ZNF786: variants seen among roughly 807,000 people sequenced by gnomAD.
The protein encoded by ZNF786 is zinc finger protein 786.
In ZNF786, 56 loss-of-function variants were observed where a neutral mutation model predicts 63.1. The ratio of observed to expected loss-of-function variants is 0.89; its 90% CI spans 0.72 to 1.11. ZNF786 has a LOEUF of 1.11. Among genes scored for constraint, ZNF786 ranks in the 50% least tolerant of loss-of-function variants. The pLI is 0.00. For missense variants in ZNF786, 1,213 were observed against 1,041.8 expected (o/e 1.16, Z -2.26); for synonymous variants, 485 against 406.9 (o/e 1.19, Z -2.31).
At chr7:149,082,460 A>G in intron 1 of ZNF786, 2 of 722,194 alleles carry the variant, frequency 2.8e-6, no homozygotes, top group Non-Finnish European at 1.7e-6. Context: ...TGTAAATTAT[A>G]TATTTGTTAA....
chr7:149,085,799 C>T (rs376595163), intron 1 of ZNF786, among the ~76,000 whole-genome samples: 7 of 152,242 alleles, frequency 4.6e-5, no homozygotes, highest in African/African-American at 7.2e-5. Flanking sequence ...TTGTAAAGAT[C>T]TTTAACCTCC....
chr7:149,087,459 G>A (rs1000656281), intron 1 of ZNF786, among the ~76,000 whole-genome samples: 3 of 152,172 alleles, frequency 2.0e-5, no homozygotes, highest in Admixed American at 6.5e-5. Flanking sequence ...CATCTAGTGC[G>A]TAGCAGCCAA....
At chr7:149,089,025 C>T (rs1223062812) in intron 1 of ZNF786, among the ~76,000 whole-genome samples, 4 of 149,624 alleles carry the variant, frequency 2.7e-5, no homozygotes, top group Non-Finnish European at 5.9e-5. Context: ...GGCGCGATCT[C>T]GGCTCGCTGC....
intron 1 of ZNF786, among the ~76,000 whole-genome samples, chr7:149,086,457 G>C (rs1825739081): frequency 6.6e-6 from 1 of 152,156 alleles, no homozygotes; most frequent in Non-Finnish European, 1.5e-5. Context: ...GCTAAACCCT[G>C]TCCCTACTAA....
Position 149,071,632 on chromosome 7 carries a change from C to T in ZNF786, c.1140G>A (p.Met380Ile), listed in dbSNP as rs745676796. The change falls in exon 4 of 4, where the codon ATG becomes ATA. Residue 380 changes from methionine (M) to isoleucine (I), a missense_variant. Physicochemically the swap from Met to Ile is conservative, Grantham distance 10. Coordinates refer to ENST00000491431, the MANE Select transcript of ZNF786 (RefSeq NM_152411.4). Reference sequence around the variant, plus strand: ...TGCAGGGGCTGGCGAGCCTGGCGCTCATAGGGGAGCGCTCGCCACACTCCG... The same window carrying T: ...TGCAGGGGCTGGCGAGCCTGGCGCTTATAGGGGAGCGCTCGCCACACTCCG... Reference protein sequence around the residue: ...SCSECGERSPMSARLASPCRA... With the variant: ...SCSECGERSPISARLASPCRA... The T allele has an allele frequency of 1.5e-5, 24 of 1,581,542 alleles. No individual in the cohort carries two copies. Among genetic ancestry groups the T allele is most frequent in the African/African-American group, 1.5e-4 (11 of 74,368 alleles).
At position 149,074,447 on chromosome 7, in the gene ZNF786, G is replaced by A; in HGVS notation, c.237C>T (p.Asn79=). The change falls in exon 3 of 4, where the codon AAC becomes AAT. Residue 79 remains asparagine, a synonymous_variant. Transcript: ENST00000491431. ...RKWRESQKSG[N]IICSSVDMHF... The stretch of plus-strand genomic sequence containing the variant: ...GCATATCAACAGAGGAGCAAATTAT[G>A]TTTCCTGATTTCTGTGATTCTCTCC... 6.2e-7 allele frequency: 1 copy of A among 1,613,876 alleles called. No homozygotes were observed. Among genetic ancestry groups the A allele is most frequent in the Non-Finnish European group, 8.5e-7 (1 of 1,179,874 alleles).
chr7:149,080,114 G>C (rs979015867), intron 2 of ZNF786, among the ~76,000 whole-genome samples: 1 of 152,002 alleles, frequency 6.6e-6, no homozygotes, highest in African/African-American at 2.4e-5. Flanking sequence ...AGAGGTTACA[G>C]TCAGCCAAGA....
At chr7:149,074,301 C>A (rs1825501780) in intron 3 of ZNF786, 85 bp downstream of exon 3, 1 of 1,519,924 alleles carries the variant, frequency 6.6e-7, no homozygotes, top group Non-Finnish European at 8.9e-7. Context: ...CCTCAGCTTG[C>A]CCAAACAGGA....
intron 1 of ZNF786, among the ~76,000 whole-genome samples, chr7:149,083,115 C>T (rs1473928256): frequency 6.6e-6 from 1 of 152,140 alleles, no homozygotes; most frequent in Non-Finnish European, 1.5e-5. Context: ...CCAGGCTGGT[C>T]TTGAACTCCT....
chr7:149,070,529 G>C lies in ZNF786; in HGVS notation c.2243C>G (p.Ala748Gly). Residue 748 changes from alanine (A) to glycine (G), a missense_variant, in exon 4 of 4, where the codon GCG (alanine) becomes GGG (glycine). By Grantham distance (60) the Ala-to-Gly change is moderately conservative. Coordinates refer to ENST00000491431, the MANE Select transcript of ZNF786 (RefSeq NM_152411.4). ...GKGFIYKSKL[A>G]EHIRVHTKSC... ...TTTTGTGTGTACTCTGATGTGCTCC[G>C]CAAGCTTAGACTTGTAAATGAAGCC... 6.2e-7 allele frequency: 1 copy of C among 1,614,016 alleles called. No individual in the cohort carries two copies. Among genetic ancestry groups the C allele is most frequent in the Non-Finnish European group, 8.5e-7 (1 of 1,179,904 alleles).
chr7:149,084,267 CAGG>C (rs1156369491), intron 1 of ZNF786, among the ~76,000 whole-genome samples: 3 of 144,196 alleles, frequency 2.1e-5, no homozygotes, highest in African/African-American at 7.9e-5. Flanking sequence ...GAGGCTAAAG[CAGG>C]AGAATTGCTT....
chr7:149,084,583 C>A (rs953730536), intron 1 of ZNF786, among the ~76,000 whole-genome samples: 1 of 152,108 alleles, frequency 6.6e-6, no homozygotes, highest in Non-Finnish European at 1.5e-5. Flanking sequence ...AGCTTGTTGG[C>A]CATGTATATG....
In ZNF786 at chr7:149,070,915, C is replaced by A. The variant is rs367975181; in HGVS notation, c.1857G>T (p.Arg619Ser). Reference sequence around the variant, plus strand: ...TGTCGCACTCCGGACACTGGAAGGGCCTCTCTCCCGTGTGCAGGCGCTGAT... The same window carrying A: ...TGTCGCACTCCGGACACTGGAAGGGACTCTCTCCCGTGTGCAGGCGCTGAT... ...LSHQRLHTGE[R>S]PFQCPECDKR... Residue 619 changes from arginine (R) to serine (S), a missense_variant, in exon 4 of 4, where the codon AGG becomes AGT. Coordinates refer to ENST00000491431, the MANE Select transcript of ZNF786 (RefSeq NM_152411.4). 1.5e-5 allele frequency: 24 copies of A among 1,613,572 alleles called. No homozygotes were observed. The Middle Eastern group carries it at 4.9e-4, about 33-fold the overall frequency.
chr7:149,090,370 G>A (rs1255197882), intron 1 of ZNF786, among the ~76,000 whole-genome samples: 3 of 152,152 alleles, frequency 2.0e-5, no homozygotes, highest in Admixed American at 1.3e-4. Flanking sequence ...CCCAGGCTCC[G>A]CCCCGCTCCT....
chr7:149,070,404 T>A lies in ZNF786; in HGVS notation c.*19A>T. On this transcript the variant is annotated 3_prime_UTR_variant, in exon 4 of 4. Transcript: ENST00000491431. ...GGCAATACCAATCCTGCTCAACGCT[T>A]TGGATGTCCCACTCTGCCTCAACTC... 7 of 1,608,104 alleles carry A rather than the reference T, an allele frequency of 4.4e-6. No homozygotes were observed. The highest frequency in any genetic ancestry group is 6.0e-6 in the Non-Finnish European group (7 of 1,175,818).
rs771667646 is a variant in ZNF786 at position 149,071,546 on chromosome 7, C to A, written c.1226G>T (p.Arg409Leu). Residue 409 changes from arginine (R) to leucine (L), a missense_variant, in exon 4 of 4, where the codon CGC becomes CTC. Arg to Leu is a moderately radical substitution (Grantham distance 102). Coordinates refer to ENST00000491431, the MANE Select transcript of ZNF786 (RefSeq NM_152411.4). ...CAHCTKRFRLRRLLQVHQHAH... is the reference protein window; with the variant it reads ...CAHCTKRFRLLRLLQVHQHAH... ...GTGCTGGTGGACCTGCAGCAGGCGG[C>A]GCAGGCGGAAGCGCTTGGTGCAATG... The A allele has an allele frequency of 4.3e-6, 7 of 1,612,234 alleles. No individual in the cohort carries two copies. In the South Asian group the frequency reaches 7.7e-5, roughly 18 times the overall value.
intron 1 of ZNF786, among the ~76,000 whole-genome samples, chr7:149,088,812 T>C (rs941374138): frequency 6.6e-6 from 1 of 152,228 alleles, no homozygotes; most frequent in Non-Finnish European, 1.5e-5. Context: ...GCAAACATTA[T>C]AAATAATATG....
Position 149,070,838 on chromosome 7 carries a change from C to T in ZNF786, c.1934G>A (p.Gly645Glu). 2.5e-6 allele frequency: 4 copies of T among 1,613,740 alleles called. No individual in the cohort carries two copies. Among genetic ancestry groups the T allele is most frequent in the Non-Finnish European group, 3.4e-6 (4 of 1,179,910 alleles). ...DMKAHQLLHS[G>E]EMPFSCECGK... Reference sequence around the variant, plus strand: ...GCACTCACAGGAGAAAGGCATCTCCCCGCTGTGCAGCAGCTGGTGGGCCTT... The same window carrying T: ...GCACTCACAGGAGAAAGGCATCTCCTCGCTGTGCAGCAGCTGGTGGGCCTT... The change falls in exon 4 of 4, where the codon GGG becomes GAG. Residue 645 changes from glycine (G) to glutamate (E), a missense_variant. Gly to Glu is a moderately conservative substitution (Grantham distance 98). Transcript: ENST00000491431.
rs939694957 is a variant in ZNF786, at chr7:149,071,875, G to T, written c.897C>A (p.Thr299=). 26 of 1,601,312 alleles carry T rather than the reference G, an allele frequency of 1.6e-5. No homozygotes were observed. The highest frequency in any genetic ancestry group is 2.2e-5 in the Non-Finnish European group (26 of 1,176,284). Residue 299 remains threonine (T), a synonymous_variant, in exon 4 of 4, where the codon ACC becomes ACA. Coordinates refer to ENST00000491431, the MANE Select transcript of ZNF786 (RefSeq NM_152411.4). ...PQQGEKPAQC[T]PCGKRSLPVD... ...CTGGGAGGGAGCGCTTGCCGCATGG[G>T]GTGCACTGGGCAGGCTTCTCCCCCT...
Sources: gnomAD v4.1 joint callset for allele counts (sites outside exome capture counted in the v4.1 genomes callset) on GRCh38, gnomAD v4.1.1 for gene constraint, MANE v1.5 for transcripts, NCBI Gene and HGNC (gene_info 2026-07-23, HGNC 2026-07-21) for gene names.